Variants in CACNB1 observed in about 807,000 individuals in gnomAD.
CACNB1 encodes voltage-dependent L-type calcium channel subunit beta-1.
In CACNB1, 29 loss-of-function variants were observed where a neutral mutation model predicts 71.6. That is an observed-to-expected ratio of 0.40 (90% confidence interval 0.30 to 0.55). The LOEUF (loss-of-function observed/expected upper bound fraction) is 0.55. Ranked by LOEUF, CACNB1 falls within the 20% of genes least tolerant of loss-of-function variation. CACNB1 has a pLI of 0.38. For synonymous variants in CACNB1, 300 were observed against 319.6 expected (o/e 0.94, Z 0.65); for missense variants, 623 against 801.8 (o/e 0.78, Z 2.69).
chr17:39,195,015 T>C, intron 1 of CACNB1, 45 bp from the exon 2 acceptor site: 2 of 1,373,586 alleles, frequency 1.5e-6, no homozygotes, highest in Non-Finnish European at 2.1e-6. Flanking sequence ...AGAAGGGCCC[T>C]TTCCCAACCC....
At chr17:39,183,893 G>A in intron 10 of CACNB1, 29 bp from the exon 11 acceptor site, 6 of 1,604,868 alleles carry the variant, frequency 3.7e-6, no homozygotes, top group Middle Eastern at 1.7e-4. Flanking sequence ...GTGGATGGGG[G>A]AATGTCAGGT....
intron 12 of CACNB1, 113 bp downstream of exon 12, chr17:39,177,871 C>T: frequency 2.3e-6 from 2 of 856,946 alleles, no homozygotes; most frequent in Non-Finnish European, 3.9e-6. Context: ...AGTCTGCACC[C>T]ACAGGCCTGA....
intron 3 of CACNB1, among the ~76,000 whole-genome samples, chr17:39,188,074 C>CCCTTGAGACCAGGA (rs369308676): frequency 6.6e-6 from 1 of 151,652 alleles, no homozygotes; most frequent in Non-Finnish European, 1.5e-5. Flanking sequence ...GCAGGTGGAT[C>CCCTTGAGACCAGGA]GTTTGAGACC....
At chr17:39,187,687 T>C in intron 3 of CACNB1, 86 bp from the exon 4 acceptor site, 1 of 1,452,416 alleles carries the variant, frequency 6.9e-7, no homozygotes, top group Non-Finnish European at 9.6e-7. Flanking sequence ...GGTGGTTACT[T>C]GGATGTTTAC....
At chr17:39,180,458 C>G (rs2045724938) in intron 11 of CACNB1, among the ~76,000 whole-genome samples, 1 of 151,632 alleles carries the variant, frequency 6.6e-6, no homozygotes, top group African/African-American at 2.4e-5. Flanking sequence ...AGTTCGAGAC[C>G]AGCCTGGCCA....
intron 11 of CACNB1, among the ~76,000 whole-genome samples, chr17:39,182,700 A>AAAAT (rs59927625): frequency 0.075 from 10,503 of 140,188 alleles, 439 homozygotes; most frequent in Admixed American, 0.085. Flanking sequence ...GACTCTGTCT[A>AAAAT]AAATAAATAA....
chr17:39,183,324 C>T (rs577947609), intron 11 of CACNB1, among the ~76,000 whole-genome samples: 1 of 138,204 alleles, frequency 7.2e-6, no homozygotes, highest in African/African-American at 2.7e-5. Context: ...AGAGCGAGAT[C>T]CTGACTTAAA....
intron 3 of CACNB1, among the ~76,000 whole-genome samples, chr17:39,189,528 C>T (rs1202524522): frequency 5.3e-5 from 8 of 151,494 alleles, no homozygotes; most frequent in Non-Finnish European, 5.9e-5. Context: ...GATGGAGTTT[C>T]GCTCTTGTTG....
chr17:39,184,095 G>A lies in CACNB1; in HGVS notation c.834C>T (p.Arg278=). 1.9e-6 allele frequency: 3 copies of A among 1,613,824 alleles called. No individual in the cohort carries two copies. Among genetic ancestry groups the A allele is most frequent in the South Asian group, 1.1e-5 (1 of 91,074 alleles). The change falls in exon 10 of 14, where the codon CGC becomes CGT. Residue 278 remains arginine (R), a synonymous_variant. Transcript: ENST00000394303. The stretch of plus-strand genomic sequence containing the variant: ...GTTTGCTGGGGTTGTTGAGAACTGA[G>A]CGCTTAGCCAGGGAAATATCTGCCG... ...RVTADISLAK[R]SVLNNPSKHI...
rs1444364021 is a variant in CACNB1 at position 39,174,265 on chromosome 17, G to A, written c.*928C>T. The A allele has an allele frequency of 6.5e-6, 1 of 153,004 alleles. No individual in the cohort carries two copies. The highest frequency in any genetic ancestry group is 1.5e-5 in the Non-Finnish European group (1 of 68,342). 9.5% of individuals were successfully genotyped at this position (153,004 alleles called of 1,614,324 possible). On this transcript the variant is annotated 3_prime_UTR_variant, in exon 14 of 14. Transcript: ENST00000394303. Reference sequence around the variant, plus strand: ...GCCAAGCCCCCCAGAGGAGATCCGAGGTCCCAAGGCAACCCCTGGGCACCA... The same window carrying A: ...GCCAAGCCCCCCAGAGGAGATCCGAAGTCCCAAGGCAACCCCTGGGCACCA...
chr17:39,183,832 C>T lies in CACNB1; in HGVS notation c.931G>A (p.Glu311Lys), dbSNP rs753994630. 7 of 1,613,706 alleles carry T rather than the reference C, an allele frequency of 4.3e-6. No homozygotes were observed. Among genetic ancestry groups the T allele is most frequent in the African/African-American group, 4.0e-5 (3 of 74,852 alleles). Residue 311 changes from glutamate to lysine, a missense_variant, in exon 11 of 14, where the codon GAG (glutamate) becomes AAG (lysine). Physicochemically the swap from Glu to Lys is moderately conservative, Grantham distance 56. Coordinates refer to ENST00000394303, the MANE Select transcript of CACNB1 (RefSeq NM_000723.5). ...ACCAACTGAAGGGTCCGGGCCAGCT[C>T]GAAGATTCGCTCGATTTCACTCTGC... ...EVQSEIERIF[E>K]LARTLQLVAL...
At position 39,194,328 on chromosome 17, in the gene CACNB1, C is replaced by T. The variant is rs1007764606; in HGVS notation, c.171+556G>A. 1.3e-5 allele frequency among the ~76,000 whole-genome samples: 2 copies of T among 152,104 alleles called. No homozygotes were observed. Among genetic ancestry groups the T allele is most frequent in the South Asian group, 4.1e-4 (2 of 4,822 alleles). On this transcript the variant is annotated intron_variant, in intron 2 of 13. Transcript: ENST00000394303. The surrounding 1 kb of genome is among the most constrained non-coding windows in gnomAD (Gnocchi z 4.6). ...TCAGGCAGGGGTGCTGGGCTATCAT[C>T]TTCTCTATTATAAAATCAACAGCCT... is the stretch of plus-strand genomic sequence containing the variant.
Position 39,184,803 on chromosome 17 carries a change from G to A in CACNB1, c.710C>T (p.Pro237Leu), listed in dbSNP as rs2045890424. ...TCCTACCTCGTAGCCCTTGAGCGAC[G>A]GTCCCACCAGGATGATGGGCCTCAT... is the stretch of plus-strand genomic sequence containing the variant. ...PSMRPIILVG[P>L]SLKGYEVTDM... The change falls in exon 8 of 14, where the codon CCG becomes CTG. Residue 237 changes from proline (P) to leucine (L), a missense_variant. By Grantham distance (98) the Pro-to-Leu change is moderately conservative (BLOSUM62 -3). Transcript: ENST00000394303. The A allele has an allele frequency of 1.2e-6, 2 of 1,611,776 alleles. No individual in the cohort carries two copies. Among genetic ancestry groups the A allele is most frequent in the Non-Finnish European group, 1.7e-6 (2 of 1,178,076 alleles).
At chr17:39,196,016 C>T (rs1183899479) in intron 1 of CACNB1, among the ~76,000 whole-genome samples, 2 of 152,138 alleles carry the variant, frequency 1.3e-5, no homozygotes, top group Admixed American at 1.3e-4. Context: ...CAGCTTGTAC[C>T]CACACACACT....
At chr17:39,185,585 A>G (rs1460273774) in intron 6 of CACNB1, among the ~76,000 whole-genome samples, 1 of 148,314 alleles carries the variant, frequency 6.7e-6, no homozygotes, top group Non-Finnish European at 1.5e-5. Context: ...CCACCCAGAG[A>G]GTCAAAAAAG....
rs574193733 is a variant in CACNB1 at position 39,186,839 on chromosome 17, G to A, written c.505C>T (p.Arg169Cys). ...CGCAGCTTCTGTTCCTGCAGCAGGC[G>A]AAGGCTGTCCAGTTTGACGGGGCTG... is the stretch of plus-strand genomic sequence containing the variant. ...IPSPVKLDSL[R>C]LLQEQKLRQN... is the part of the protein sequence containing the mutation. Residue 169 changes from arginine (R) to cysteine (C), a missense_variant, in exon 5 of 14, where the codon CGC becomes TGC. Transcript: ENST00000394303. This position sits in a 1 kb window ranked among gnomAD's most constrained non-coding sequence, Gnocchi z 4.1. 6.2e-6 allele frequency: 10 copies of A among 1,614,090 alleles called. No homozygotes were observed. The highest frequency in any genetic ancestry group is 3.3e-5 in the Admixed American group (2 of 60,018).
At position 39,183,789 on chromosome 17, in the gene CACNB1, G is replaced by T; in HGVS notation, c.974C>A (p.Thr325Asn). ...GGACAGCTGGGCTGGGTGATTGATG[G>T]TGTCAGCATCCAGAGCGACCAACTG... ...TLQLVALDADTINHPAQLSKT... is the reference protein window; with the variant it reads ...TLQLVALDADNINHPAQLSKT... Residue 325 changes from threonine to asparagine, a missense_variant, in exon 11 of 14, where the codon ACC (threonine) becomes AAC (asparagine). Transcript: ENST00000394303. 1 of 1,613,940 alleles carries T rather than the reference G, an allele frequency of 6.2e-7. No individual in the cohort carries two copies. Among genetic ancestry groups the T allele is most frequent in the Non-Finnish European group, 8.5e-7 (1 of 1,179,882 alleles).
Position 39,191,568 on chromosome 17 carries a change from C to T in CACNB1, c.197G>A (p.Arg66His), listed in dbSNP as rs757223702. Residue 66 changes from arginine to histidine, a missense_variant, in exon 3 of 14, where the codon CGT (arginine) becomes CAT (histidine). Arg to His is a conservative substitution (Grantham distance 29). Coordinates refer to ENST00000394303, the MANE Select transcript of CACNB1 (RefSeq NM_000723.5). ...CAGAGATACATCAGAGTCTGATGGA[C>T]GGCTGGTGTAGGACTCCGCTGAGCC... Reference protein sequence around the residue: ...RQGSAESYTSRPSDSDVSLEE... With the variant: ...RQGSAESYTSHPSDSDVSLEE... The T allele has an allele frequency of 1.7e-5, 28 of 1,609,912 alleles. No individual in the cohort carries two copies. Among genetic ancestry groups the T allele is most frequent in the South Asian group, 4.4e-5 (4 of 90,510 alleles).
chr17:39,191,855 C>T, intron 2 of CACNB1: 1 of 473,500 alleles, frequency 2.1e-6, no homozygotes, highest in South Asian at 2.7e-5. Context: ...CTGCTTGGGG[C>T]CCAGGGAGGG....
Sources: allele counts gnomAD v4.1 joint callset (sites outside exome capture counted in the v4.1 genomes callset), GRCh38; gene constraint gnomAD v4.1.1; non-coding constraint Gnocchi (gnomAD v3.1); transcripts MANE v1.5; gene names NCBI Gene and HGNC (gene_info 2026-07-23, HGNC 2026-07-21).